The following ESRRG variants were observed in gnomAD, a reference collection of about 807,000 sequenced individuals.
ESRRG encodes the protein estrogen related receptor gamma, also known as estrogen-related receptor gamma.
In ESRRG, 13 loss-of-function variants were observed where a neutral mutation model predicts 44.0. The observed-to-expected ratio is 0.30, with a 90% CI of 0.19 to 0.47. The LOEUF (loss-of-function observed/expected upper bound fraction) is 0.47, where lower values mean the gene tolerates loss of function less well. Among genes scored for constraint, ESRRG ranks in the 20% least tolerant of loss-of-function variants. The pLI is 1.00. For synonymous variants in ESRRG, 215 were observed against 214.6 expected, an observed-to-expected ratio of 1.00 and a Z score of -0.02; for missense variants, 395 against 580.6, an observed-to-expected ratio of 0.68 and a Z score of 3.29.
chr1:216,579,347 A>C (rs2062286639), intron 3 of ESRRG, among the ~76,000 whole-genome samples: 1 of 152,110 alleles, frequency 6.6e-6, no homozygotes, highest in Non-Finnish European at 1.5e-5. Flanking sequence ...TTTGGAGGAG[A>C]GTTATACGTA....
intron 5 of ESRRG, among the ~76,000 whole-genome samples, chr1:216,535,644 C>T (rs531860715): frequency 6.6e-6 from 1 of 152,150 alleles, no homozygotes; most frequent in South Asian, 2.1e-4. Context: ...CTCTGGCCAC[C>T]TTGAAGATTT....
chr1:216,710,097 T>C (rs1288074222), intron 1 of ESRRG, among the ~76,000 whole-genome samples: 1 of 152,208 alleles, frequency 6.6e-6, no homozygotes, highest in Admixed American at 6.5e-5. Flanking sequence ...GAACACTGTT[T>C]AGTAAACAAG....
intron 2 of ESRRG, among the ~76,000 whole-genome samples, chr1:216,820,670 C>G (rs897351276): frequency 6.6e-6 from 1 of 152,212 alleles, no homozygotes; most frequent in African/African-American, 2.4e-5. Flanking sequence ...GTATATCCAG[C>G]CTTTGGCTAA....
intron 1 of ESRRG, among the ~76,000 whole-genome samples, chr1:216,706,405 A>G (rs1422591251): frequency 6.6e-6 from 1 of 152,062 alleles, no homozygotes; most frequent in African/African-American, 2.4e-5. Context: ...AAAGATAAAA[A>G]CCATATGTTT....
At chr1:216,535,314 T>C (rs1167812873) in intron 5 of ESRRG, among the ~76,000 whole-genome samples, 1 of 152,092 alleles carries the variant, frequency 6.6e-6, no homozygotes, top group East Asian at 1.9e-4. Context: ...GTCTATGGTA[T>C]GCTCCAGACT....
At chr1:216,876,757 A>C (rs1448675251) in intron 2 of ESRRG, among the ~76,000 whole-genome samples, 2 of 152,130 alleles carry the variant, frequency 1.3e-5, no homozygotes, top group African/African-American at 2.4e-5. Context: ...AAGCAGATTT[A>C]ACCAGCACCG....
At chr1:216,947,858 C>T (rs1221955367) in intron 1 of ESRRG, among the ~76,000 whole-genome samples, 2 of 152,076 alleles carry the variant, frequency 1.3e-5, no homozygotes, top group Admixed American at 1.3e-4. Flanking sequence ...ATGAGTTTTC[C>T]TCCATGGAAA....
chr1:217,053,284 G>A (rs780361883), intron 1 of ESRRG, among the ~76,000 whole-genome samples: 14 of 151,718 alleles, frequency 9.2e-5, no homozygotes, highest in African/African-American at 2.9e-4. Flanking sequence ...GTGAAACCCC[G>A]TTTCTACTAA....
chr1:216,595,460 T>C (rs1489559378), intron 3 of ESRRG, among the ~76,000 whole-genome samples: 5 of 152,200 alleles, frequency 3.3e-5, no homozygotes, highest in Non-Finnish European at 7.3e-5. Context: ...TTGAGAAACA[T>C]GCACAAAAAG....
At chr1:216,568,997 T>C (rs1374523970) in intron 3 of ESRRG, among the ~76,000 whole-genome samples, 1 of 151,070 alleles carries the variant, frequency 6.6e-6, no homozygotes, top group African/African-American at 2.4e-5. Flanking sequence ...GAGGTTGCAG[T>C]GAACTGAGAC....
chr1:217,071,970 C>G (rs1218337283), intron 1 of ESRRG, among the ~76,000 whole-genome samples: 1 of 152,200 alleles, frequency 6.6e-6, no homozygotes, highest in East Asian at 1.9e-4. Flanking sequence ...ATCTTCTAAA[C>G]CAACTGGTAT....
At chr1:216,851,644 G>GC (rs1172040745) in intron 2 of ESRRG, among the ~76,000 whole-genome samples, 4 of 152,150 alleles carry the variant, frequency 2.6e-5, no homozygotes, top group African/African-American at 9.6e-5. Flanking sequence ...CAGACTTTCA[G>GC]CCTCCAGAAC....
intron 2 of ESRRG, among the ~76,000 whole-genome samples, chr1:216,890,091 C>G (rs2057566950): frequency 6.6e-6 from 1 of 151,858 alleles, no homozygotes; most frequent in African/African-American, 2.4e-5. Context: ...ATGGGAAGAT[C>G]CTGTCTCTAC....
chr1:217,032,121 C>T (rs1453850974), intron 1 of ESRRG, among the ~76,000 whole-genome samples: 1 of 152,094 alleles, frequency 6.6e-6, no homozygotes, highest in Non-Finnish European at 1.5e-5. Context: ...AAATATGGTA[C>T]TATGTTATAT....
chr1:216,858,028 T>A (rs1291104604), intron 2 of ESRRG, among the ~76,000 whole-genome samples: 4 of 152,186 alleles, frequency 2.6e-5, no homozygotes, highest in Non-Finnish European at 4.4e-5. Flanking sequence ...GTCAGTTTCT[T>A]CATTTGTAAA....
chr1:216,626,177 T>G lies in ESRRG; in HGVS notation c.589+24796A>C, dbSNP rs557251773. ...TTCCTTATTGACAATTCTGCAGTGCTTCACATTTCTTTTTACTACTTCTTC... is the reference window on the plus strand; with the variant it reads ...TTCCTTATTGACAATTCTGCAGTGCGTCACATTTCTTTTTACTACTTCTTC... On this transcript the variant is annotated intron_variant, in intron 3 of 6. Coordinates refer to ENST00000408911, the MANE Select transcript of ESRRG (RefSeq NM_001438.4). 2.6e-5 allele frequency among the ~76,000 whole-genome samples: 4 copies of G among 152,314 alleles called. No individual in the cohort carries two copies. In the South Asian group the frequency reaches 6.2e-4, roughly 24 times the overall value.
chr1:217,091,219 T>C (rs2092339699), upstream of ESRRG, among the ~76,000 whole-genome samples: 1 of 152,208 alleles, frequency 6.6e-6, no homozygotes, highest in African/African-American at 2.4e-5. Flanking sequence ...TTTGTCACCA[T>C]CATGTATTGG....
intron 2 of ESRRG, among the ~76,000 whole-genome samples, chr1:216,660,147 A>C (rs1428898889): frequency 1.3e-5 from 2 of 152,190 alleles, no homozygotes; most frequent in Admixed American, 6.5e-5. Context: ...TTTATATAGA[A>C]GACCATAAAA....
chr1:217,041,109 G>A (rs745685293), intron 1 of ESRRG, among the ~76,000 whole-genome samples: 1 of 152,006 alleles, frequency 6.6e-6, no homozygotes, highest in African/African-American at 2.4e-5. Flanking sequence ...CACAGAGTGG[G>A]TGTAGAGAAT....
Sources: gnomAD v4.1 joint callset for allele counts (sites outside exome capture counted in the v4.1 genomes callset) on GRCh38, gnomAD v4.1.1 for gene constraint, MANE v1.5 for transcripts, NCBI Gene and HGNC (gene_info 2026-07-23, HGNC 2026-07-21) for gene names.